ADCY9: variants seen among roughly 807,000 people sequenced by gnomAD.
ADCY9 encodes adenylate cyclase type 9.
In ADCY9, 50 loss-of-function variants were observed where a neutral mutation model predicts 101.5. That is an observed-to-expected ratio of 0.49 (90% CI 0.39 to 0.62). The LOEUF (loss-of-function observed/expected upper bound fraction) is 0.62. Among genes scored for constraint, ADCY9 ranks in the 20% least tolerant of loss-of-function variants. The pLI, the probability that ADCY9 is intolerant of heterozygous loss-of-function variation, is 0.00. For synonymous variants in ADCY9, 905 were observed against 769.3 expected (o/e 1.18, Z -2.92); for missense variants, 1,662 against 1,800.4 (o/e 0.92, Z 1.39).
At chr16:3,986,401 G>A (rs558685907) in intron 6 of ADCY9, among the ~76,000 whole-genome samples, 33 of 152,220 alleles carry the variant, frequency 2.2e-4, no homozygotes, top group African/African-American at 7.2e-4. Context: ...GTGGCCTCCT[G>A]TCTTGTCCAC....
chr16:4,080,561 A>G (rs2056895328), intron 2 of ADCY9, among the ~76,000 whole-genome samples: 1 of 152,142 alleles, frequency 6.6e-6, no homozygotes, highest in Non-Finnish European at 1.5e-5. Flanking sequence ...TCCCAGCCCA[A>G]CGGAAGAAAT....
chr16:4,060,840 T>C (rs1469326860), intron 2 of ADCY9, among the ~76,000 whole-genome samples: 1 of 152,156 alleles, frequency 6.6e-6, no homozygotes, highest in African/African-American at 2.4e-5. Flanking sequence ...TAAAGTATTG[T>C]GAATTATACT....
chr16:4,022,211 A>T (rs911057311), intron 2 of ADCY9, among the ~76,000 whole-genome samples: 2 of 151,968 alleles, frequency 1.3e-5, no homozygotes, highest in African/African-American at 4.8e-5. Flanking sequence ...ACTAAATACA[A>T]CCAGGCATGG....
At chr16:4,005,924 C>A (rs1000232751) in intron 3 of ADCY9, among the ~76,000 whole-genome samples, 16 of 152,186 alleles carry the variant, frequency 1.1e-4, no homozygotes, top group African/African-American at 3.9e-4. Context: ...CCCCTCCCTG[C>A]CCGGGTCCGC....
At chr16:4,048,285 T>G (rs2056679168) in intron 2 of ADCY9, among the ~76,000 whole-genome samples, 2 of 152,224 alleles carry the variant, frequency 1.3e-5, no homozygotes, top group Non-Finnish European at 2.9e-5. Context: ...TAAAATGAAG[T>G]CTTTGTTAAA....
intron 8 of ADCY9, 43 bp downstream of exon 8, chr16:3,979,073 G>A (rs1567419510): frequency 1.2e-6 from 2 of 1,609,938 alleles, no homozygotes; most frequent in East Asian, 4.5e-5. Flanking sequence ...AGATTAGGGA[G>A]TCCAGGAGAG....
intron 2 of ADCY9, among the ~76,000 whole-genome samples, chr16:4,099,057 C>T (rs1256469729): frequency 4.6e-5 from 7 of 152,040 alleles, no homozygotes; most frequent in Non-Finnish European, 8.8e-5. Context: ...CTCAGTTTCC[C>T]GAGTAGCTGG....
At chr16:3,976,470 A>G (rs933171709) in intron 9 of ADCY9, among the ~76,000 whole-genome samples, 22 of 152,126 alleles carry the variant, frequency 1.4e-4, no homozygotes, top group African/African-American at 5.1e-4. Context: ...CCAGAGGTCT[A>G]CCGGCCTCCC....
intron 2 of ADCY9, among the ~76,000 whole-genome samples, chr16:4,048,056 C>T (rs1241659381): frequency 3.3e-5 from 5 of 151,612 alleles, no homozygotes; most frequent in Admixed American, 1.3e-4. Flanking sequence ...CTGTGCTCAC[C>T]CTGAACAAAA....
At chr16:4,012,031 T>C (rs1038586518) in intron 2 of ADCY9, among the ~76,000 whole-genome samples, 1 of 152,244 alleles carries the variant, frequency 6.6e-6, no homozygotes, top group East Asian at 1.9e-4. Context: ...ACCTTCTACA[T>C]ACAAAAGCAT....
chr16:3,991,114 G>C (rs926668215), intron 5 of ADCY9, among the ~76,000 whole-genome samples: 1 of 152,132 alleles, frequency 6.6e-6, no homozygotes, highest in Non-Finnish European at 1.5e-5. Flanking sequence ...ATCACCCTTT[G>C]AGGCATTATA....
At chr16:3,996,127 G>A (rs1198738149) in intron 3 of ADCY9, among the ~76,000 whole-genome samples, 1 of 152,166 alleles carries the variant, frequency 6.6e-6, no homozygotes. Context: ...TTGGGAGGCC[G>A]AAGCAGGAGG....
intron 2 of ADCY9, among the ~76,000 whole-genome samples, chr16:4,112,820 A>C (rs991039920): frequency 1.4e-4 from 22 of 152,142 alleles, no homozygotes; most frequent in African/African-American, 5.3e-4. Flanking sequence ...AAAAGGAGGA[A>C]GTGGGGGAAG....
chr16:3,988,695 AG>A (rs2056218496), intron 6 of ADCY9, among the ~76,000 whole-genome samples: 2 of 17,196 alleles, frequency 1.2e-4, no homozygotes, highest in South Asian at 3.7e-3. Flanking sequence ...CTTTCAGGAC[AG>A]GTTGTGGTGG....
At chr16:4,058,467 GAAA>G (rs112044690) in intron 2 of ADCY9, among the ~76,000 whole-genome samples, 1 of 94,868 alleles carries the variant, frequency 1.1e-5, no homozygotes, top group African/African-American at 3.7e-5. Flanking sequence ...TTGTCTCCAA[GAAA>G]AAAAAAAAAA....
chr16:4,064,425 A>G (rs774442310), intron 2 of ADCY9, among the ~76,000 whole-genome samples: 3 of 152,168 alleles, frequency 2.0e-5, no homozygotes, highest in Non-Finnish European at 4.4e-5. Flanking sequence ...AGTTGATTAT[A>G]CTACTCTCTT....
intron 2 of ADCY9, among the ~76,000 whole-genome samples, chr16:4,085,091 G>T (rs1158365548): frequency 6.6e-6 from 1 of 152,170 alleles, no homozygotes; most frequent in African/African-American, 2.4e-5. Flanking sequence ...GCTGGACGCA[G>T]TGGCTCACGC....
chr16:3,956,503 T>TTTTTTTTTTG (rs55792938), intron 5 of ADCY9, among the ~76,000 whole-genome samples: 4 of 69,496 alleles, frequency 5.8e-5, no homozygotes, highest in African/African-American at 1.6e-4. Context: ...TTTTTTTTTT[T>TTTTTTTTTTG]GGGGGGGGAT....
rs550855091 is a variant in ADCY9, at chr16:4,089,186, C to T, written c.1693+24564G>A. Among the ~76,000 whole-genome samples the T allele has an allele frequency of 2.6e-5, 4 of 152,026 alleles. No homozygotes were observed. The East Asian group carries it at 5.8e-4, about 22-fold the overall frequency. ...ACCTCCTGGGCTCAGGTGATCCTCC[C>T]GCCTCAGCCTCCCGAGGGGCTGGGA... On this transcript the variant is annotated intron_variant, in intron 2 of 10. Coordinates refer to ENST00000294016, the MANE Select transcript of ADCY9 (RefSeq NM_001116.4).
Sources: gnomAD v4.1 joint callset for allele counts (sites outside exome capture counted in the v4.1 genomes callset) on GRCh38, gnomAD v4.1.1 for gene constraint, MANE v1.5 for transcripts, NCBI Gene and HGNC (gene_info 2026-07-23, HGNC 2026-07-21) for gene names.